TBC1D2B: variants seen among roughly 807,000 people sequenced by gnomAD.
TBC1D2B encodes the protein TBC1 domain family, member 2B.
A neutral mutation model predicts 100.8 loss-of-function variants in TBC1D2B; 64 were observed. That is an observed-to-expected ratio of 0.64 (90% CI 0.52 to 0.78). TBC1D2B has a LOEUF of 0.78. TBC1D2B is among the 30% of genes least tolerant of loss of function. TBC1D2B has a pLI of 0.00. For missense variants in TBC1D2B, 1,052 were observed against 1,218.4 expected (o/e 0.86, Z 2.03); for synonymous variants, 480 against 479.7 (o/e 1.00, Z -0.01).
Position 78,019,577 on chromosome 15 carries a change from A to C in TBC1D2B, c.1471-1620T>G, listed in dbSNP as rs7175378. On this transcript the variant is annotated intron_variant, in intron 6 of 12. Transcript: ENST00000300584. ...ATCTCCTTTCTACTGGTGTCTTAAA[A>C]GCTTTTTTTTTTTTAAAGAAACAAG... Among the ~76,000 whole-genome samples the C allele has an allele frequency of 3.8e-3, 570 of 150,344 alleles. 4 individuals carry two copies. The highest frequency in any genetic ancestry group is 0.013 in the African/African-American group (545 of 41,058).
At chr15:77,999,087 C>T (rs2071843161) in intron 12 of TBC1D2B, 3 of 327,628 alleles carry the variant, frequency 9.2e-6, no homozygotes, top group African/African-American at 6.5e-5. Flanking sequence ...CCACACTGGT[C>T]TCTGGGGATC....
intron 10 of TBC1D2B, among the ~76,000 whole-genome samples, chr15:78,006,440 A>G (rs1192565260): frequency 6.6e-6 from 1 of 152,262 alleles, no homozygotes; most frequent in African/African-American, 2.4e-5. Context: ...CAGGGAGACC[A>G]GATGAGCTTC....
intron 3 of TBC1D2B, among the ~76,000 whole-genome samples, chr15:78,037,466 G>C (rs2072972383): frequency 6.6e-6 from 1 of 152,148 alleles, no homozygotes; most frequent in Admixed American, 6.5e-5. Context: ...GTGACATACT[G>C]GGTTCAGCCT....
intron 9 of TBC1D2B, among the ~76,000 whole-genome samples, chr15:78,011,107 T>C (rs889502334): frequency 6.6e-6 from 1 of 152,208 alleles, no homozygotes; most frequent in Admixed American, 6.5e-5. Context: ...GGATCCTACT[T>C]ACAGGCTTTT....
intron 10 of TBC1D2B, among the ~76,000 whole-genome samples, chr15:78,006,297 C>T (rs1596307031): frequency 6.6e-6 from 1 of 152,340 alleles, no homozygotes; most frequent in East Asian, 1.9e-4. Context: ...TGCCCATGAA[C>T]ACACAAAACT....
intron 10 of TBC1D2B, among the ~76,000 whole-genome samples, chr15:78,004,884 C>T (rs998719736): frequency 2.0e-5 from 3 of 152,130 alleles, no homozygotes; most frequent in African/African-American, 7.2e-5. Context: ...GTAAGTGGAC[C>T]CATGCAGTTC....
intron 6 of TBC1D2B, among the ~76,000 whole-genome samples, chr15:78,022,965 T>C (rs550505213): frequency 6.6e-6 from 1 of 152,302 alleles, no homozygotes; most frequent in African/African-American, 2.4e-5. Context: ...CCAATGGGTG[T>C]TGTCAGTGAG....
At chr15:78,075,774 C>T (rs1225622609) in intron 1 of TBC1D2B, among the ~76,000 whole-genome samples, 1 of 152,074 alleles carries the variant, frequency 6.6e-6, no homozygotes, top group African/African-American at 2.4e-5. Flanking sequence ...ACAGGGGAGC[C>T]CAAGAGAACA....
chr15:78,011,545 A>T (rs1254712138), intron 9 of TBC1D2B, among the ~76,000 whole-genome samples: 3 of 144,708 alleles, frequency 2.1e-5, no homozygotes, highest in Non-Finnish European at 1.5e-5. Context: ...ATCACAGCTC[A>T]CCGCAGCCTC....
At chr15:78,065,266 G>C (rs1567035011) in intron 1 of TBC1D2B, among the ~76,000 whole-genome samples, 1 of 152,222 alleles carries the variant, frequency 6.6e-6, no homozygotes, top group Non-Finnish European at 1.5e-5. Context: ...TAGCAACTAA[G>C]GGTAATGGAC....
intron 3 of TBC1D2B, among the ~76,000 whole-genome samples, chr15:78,042,616 C>T (rs1477575083): frequency 6.6e-6 from 1 of 152,254 alleles, no homozygotes; most frequent in Middle Eastern, 3.4e-3. Flanking sequence ...CTGTGCCTCC[C>T]GGATGACCCC....
chr15:78,039,042 T>C (rs145603917), intron 3 of TBC1D2B, among the ~76,000 whole-genome samples: 1 of 152,280 alleles, frequency 6.6e-6, no homozygotes, highest in Non-Finnish European at 1.5e-5. Flanking sequence ...CTGCAACTGC[T>C]GAAACTCCAT....
At position 78,013,030 on chromosome 15, in the gene TBC1D2B, T is replaced by A; in HGVS notation, c.2063A>T (p.Glu688Val). Reference sequence around the variant, plus strand: ...CAGCAAGGTCTGGAAGTGGCCAGGCTCAGTGTTGTCCTTGAACTTCCTGGT... The same window carrying A: ...CAGCAAGGTCTGGAAGTGGCCAGGCACAGTGTTGTCCTTGAACTTCCTGGT... ...RHTRKFKDNT[E>V]PGHFQTLLQK... Residue 688 changes from glutamate to valine, a missense_variant, in exon 9 of 13, where the codon GAG becomes GTG. Physicochemically the swap from Glu to Val is moderately radical, Grantham distance 121. Around this residue, in one of 4 missense-constraint regions of TBC1D2B, gnomAD observed 373 missense variants for 464.9 expected, o/e 0.80. Transcript: ENST00000300584. The A allele has an allele frequency of 6.2e-7, 1 of 1,613,320 alleles. No homozygotes were observed. The highest frequency in any genetic ancestry group is 2.2e-5 in the East Asian group (1 of 44,860).
At chr15:78,044,147 T>C (rs2073147662) in intron 3 of TBC1D2B, among the ~76,000 whole-genome samples, 1 of 152,108 alleles carries the variant, frequency 6.6e-6, no homozygotes, top group African/African-American at 2.4e-5. Flanking sequence ...GAACTGCTAA[T>C]GTAATGAGTT....
intron 3 of TBC1D2B, among the ~76,000 whole-genome samples, chr15:78,040,350 C>A (rs957286349): frequency 2.0e-5 from 3 of 152,156 alleles, no homozygotes; most frequent in African/African-American, 2.4e-5. Context: ...GTGCACTCAT[C>A]TGCCAGTCTA....
At chr15:78,011,274 T>C (rs2072215967) in intron 9 of TBC1D2B, among the ~76,000 whole-genome samples, 1 of 152,074 alleles carries the variant, frequency 6.6e-6, no homozygotes, top group Admixed American at 6.5e-5. Context: ...TAAAATCCTT[T>C]CTTCCTGCAG....
chr15:78,009,870 G>A (rs2072175093), intron 9 of TBC1D2B, among the ~76,000 whole-genome samples: 1 of 151,650 alleles, frequency 6.6e-6, no homozygotes, highest in Non-Finnish European at 1.5e-5. Context: ...AGCTACCTGG[G>A]AGGCTGAGGC....
chr15:78,068,033 T>G (rs2073686244), intron 1 of TBC1D2B, among the ~76,000 whole-genome samples: 1 of 152,222 alleles, frequency 6.6e-6, no homozygotes, highest in African/African-American at 2.4e-5. Flanking sequence ...AGATTAGTAT[T>G]TTACATATGG....
In TBC1D2B at chr15:78,045,092, T is replaced by C. The variant is rs545004437; in HGVS notation, c.515-24A>G. On this transcript the variant is annotated intron_variant, in intron 2 of 12. Coordinates refer to ENST00000300584, the MANE Select transcript of TBC1D2B (RefSeq NM_144572.2). ...ATCTGAAAAAAAAGGTAAACAAATG[T>C]CAGTTACTCAAAGCTTCCACACGAA... 1.8e-4 allele frequency: 285 copies of C among 1,584,202 alleles called. 2 individuals carry two copies. In the South Asian group the frequency reaches 3.2e-3, roughly 18 times the overall value.
Sources: gnomAD v4.1 joint callset for allele counts (sites outside exome capture counted in the v4.1 genomes callset) on GRCh38, gnomAD v4.1.1 for gene constraint, gnomAD v4.1.1 regional missense constraint, MANE v1.5 for transcripts, NCBI Gene and HGNC (gene_info 2026-07-23, HGNC 2026-07-21) for gene names.